VPS36: variants seen among roughly 807,000 people sequenced by gnomAD.
The protein encoded by VPS36 is vacuolar protein sorting 36 homolog.
VPS36 carries 31 observed loss-of-function variants against 63.5 expected under a neutral mutation model. That is an observed-to-expected ratio of 0.49 (90% CI 0.37 to 0.66). VPS36 has a LOEUF of 0.66. Ranked by LOEUF, VPS36 falls within the 30% of genes least tolerant of loss-of-function variation. The probability of loss-of-function intolerance (pLI) is 0.00; values close to 1 mark genes in which losing one functional copy is unlikely to be tolerated. For synonymous variants in VPS36, 138 were observed against 157.2 expected, an observed-to-expected ratio of 0.88 and a Z score of 0.91; for missense variants, 338 against 463.7, an observed-to-expected ratio of 0.73 and a Z score of 2.49.
At position 52,439,184 on chromosome 13, in the gene VPS36, TA is replaced by T; in HGVS notation, c.166-17del. 6.2e-7 allele frequency: 1 copy of T among 1,611,328 alleles called. No homozygotes were observed. On this transcript the variant is annotated splice_polypyrimidine_tract_variant and intron_variant, in intron 2 of 13. Transcript: ENST00000378060. ...TGCAACACTCCTAGGAGGAAATCAA[TA>T]GCTTAAATGAAAGACTCTAAACAAC...
intron 1 of VPS36, among the ~76,000 whole-genome samples, chr13:52,446,903 G>T (rs888219102): frequency 6.1e-5 from 9 of 147,396 alleles, no homozygotes; most frequent in African/African-American, 7.5e-5. Flanking sequence ...TTTTGAGATG[G>T]AGTTTCTTGT....
At chr13:52,447,065 C>T (rs1414127900) in intron 1 of VPS36, among the ~76,000 whole-genome samples, 18 of 151,400 alleles carry the variant, frequency 1.2e-4, no homozygotes, top group African/African-American at 4.1e-4. Flanking sequence ...TTAGTAGAGA[C>T]GGGGTTTTAC....
chr13:52,433,599 C>G, intron 6 of VPS36, 63 bp downstream of exon 6: 1 of 1,240,946 alleles, frequency 8.1e-7, no homozygotes, highest in South Asian at 1.3e-5. Flanking sequence ...TTAGGCACAG[C>G]TGTATCTAAA....
At chr13:52,442,588 G>A in intron 1 of VPS36, 143 bp from the exon 2 acceptor site, 1 of 692,880 alleles carries the variant, frequency 1.4e-6, no homozygotes, top group South Asian at 2.2e-5. Flanking sequence ...AAATTAAAGA[G>A]AACCAATGCT....
intron 9 of VPS36, among the ~76,000 whole-genome samples, chr13:52,425,262 A>G (rs1168696871): frequency 6.6e-6 from 1 of 151,998 alleles, no homozygotes; most frequent in African/African-American, 2.4e-5. Flanking sequence ...CAAAAAAAAA[A>G]AAAAAAAAGA....
chr13:52,421,312 A>T (rs191047864), intron 10 of VPS36, among the ~76,000 whole-genome samples: 31 of 152,218 alleles, frequency 2.0e-4, no homozygotes, highest in East Asian at 7.7e-4. Context: ...GTAGAATCTT[A>T]AAAAAGTTGA....
At chr13:52,428,667 C>G (rs550143348) in intron 6 of VPS36, among the ~76,000 whole-genome samples, 3 of 152,186 alleles carry the variant, frequency 2.0e-5, no homozygotes, top group Non-Finnish European at 4.4e-5. Flanking sequence ...ACACACCAAC[C>G]TAGTTTTCAA....
At chr13:52,444,887 T>C (rs1224683708) in intron 1 of VPS36, among the ~76,000 whole-genome samples, 1 of 152,184 alleles carries the variant, frequency 6.6e-6, no homozygotes, top group Non-Finnish European at 1.5e-5. Context: ...CTGAACTATA[T>C]ATAAATCATT....
At chr13:52,432,222 G>C (rs1958166215) in intron 6 of VPS36, among the ~76,000 whole-genome samples, 1 of 152,012 alleles carries the variant, frequency 6.6e-6, no homozygotes. Context: ...TTGGTGGCGG[G>C]CGCCTATAGG....
intron 6 of VPS36, among the ~76,000 whole-genome samples, chr13:52,431,935 T>C (rs1293086498): frequency 6.6e-6 from 1 of 152,148 alleles, no homozygotes; most frequent in Non-Finnish European, 1.5e-5. Context: ...GAGGGCCAAC[T>C]TGAAGCAGCT....
In VPS36 at chr13:52,414,857, AGTT is replaced by A. The variant is rs1228544883; in HGVS notation, c.*970_*972del. The A allele has an allele frequency of 1.3e-5, 2 of 152,248 alleles. No individual in the cohort carries two copies. The highest frequency in any genetic ancestry group is 2.4e-5 in the African/African-American group (1 of 41,474). The allele number at this position is 152,248 out of a possible 1,614,324, so 9.4% of individuals were successfully genotyped here. ...AAGCAATCTACATGCAGTATTAGCC[AGTT>A]GTTGTTATCTCAGTAACATTTCTTA... On this transcript the variant is annotated 3_prime_UTR_variant, in exon 14 of 14. Coordinates refer to ENST00000378060, the MANE Select transcript of VPS36 (RefSeq NM_016075.4).
chr13:52,421,184 A>G (rs1398026382), intron 10 of VPS36, among the ~76,000 whole-genome samples: 1 of 152,224 alleles, frequency 6.6e-6, no homozygotes, highest in Non-Finnish European at 1.5e-5. Flanking sequence ...AATACTATTC[A>G]GCACAAAACA....
In VPS36 at chr13:52,423,613, C is replaced by T. The variant is rs200690433; in HGVS notation, c.801G>A (p.Thr267=). 20 of 1,611,182 alleles carry T rather than the reference C, an allele frequency of 1.2e-5. No homozygotes were observed. The highest frequency in any genetic ancestry group is 8.4e-5 in the Admixed American group (5 of 59,876). Residue 267 remains threonine (T), a synonymous_variant, in exon 10 of 14, where the codon ACG becomes ACA. Transcript: ENST00000378060. ...LEERGGIMSL[T]EVYCLVNRAR... is the part of the protein sequence containing the mutation. ...CTCGGTTTACTAAGCAGTACACCTC[C>T]GTGAGTGACATTATTCCCCCTCGTT... is the stretch of plus-strand genomic sequence containing the variant.
chr13:52,440,474 G>T (rs527742209), intron 2 of VPS36, among the ~76,000 whole-genome samples: 1 of 151,670 alleles, frequency 6.6e-6, no homozygotes, highest in Non-Finnish European at 1.5e-5. Context: ...TGTATTTTTA[G>T]TAGAGACAGG....
rs1957985946 is a variant in VPS36 at position 52,415,661 on chromosome 13, C to G, written c.*169G>C. 5.7e-6 allele frequency: 4 copies of G among 697,974 alleles called. No individual in the cohort carries two copies. In the Admixed American group the frequency reaches 1.1e-4, roughly 20 times the overall value. 43.2% of individuals were successfully genotyped at this position (697,974 alleles called of 1,614,324 possible). On this transcript the variant is annotated 3_prime_UTR_variant, in exon 14 of 14. Coordinates refer to ENST00000378060, the MANE Select transcript of VPS36 (RefSeq NM_016075.4). ...TTTTCTGAATTTTCCTATGCGTATA[C>G]TAAATAAATTTCCTGGACCATATTT...
chr13:52,420,571 G>A (rs999769398), intron 10 of VPS36, among the ~76,000 whole-genome samples: 6 of 151,874 alleles, frequency 4.0e-5, no homozygotes, highest in African/African-American at 1.4e-4. Flanking sequence ...GACTTCAGGC[G>A]ATCTGCCTGC....
chr13:52,427,144 T>C (rs758554345), intron 7 of VPS36, 43 bp downstream of exon 7: 2 of 1,608,042 alleles, frequency 1.2e-6, no homozygotes, highest in East Asian at 4.5e-5. Flanking sequence ...TCAAAAACTG[T>C]ATCATAATTG....
At chr13:52,447,513 A>G (rs1464031968) in intron 1 of VPS36, among the ~76,000 whole-genome samples, 1 of 152,222 alleles carries the variant, frequency 6.6e-6, no homozygotes, top group African/African-American at 2.4e-5. Context: ...TGAAAGTAAC[A>G]CATTATCTAG....
chr13:52,448,668 T>A (rs574474223), intron 1 of VPS36, among the ~76,000 whole-genome samples: 1 of 152,376 alleles, frequency 6.6e-6, no homozygotes, highest in South Asian at 2.1e-4. Context: ...CAACAATGTA[T>A]CTTTCATATA....
Sources: gnomAD v4.1 joint callset for allele counts (sites outside exome capture counted in the v4.1 genomes callset) on GRCh38, gnomAD v4.1.1 for gene constraint, MANE v1.5 for transcripts, NCBI Gene and HGNC (gene_info 2026-07-23, HGNC 2026-07-21) for gene names.